The following FIP1L1 variants were observed in gnomAD, a reference collection of about 807,000 sequenced individuals.
FIP1L1 encodes pre-mRNA 3'-end-processing factor FIP1.
In FIP1L1, 21 loss-of-function variants were observed where a neutral mutation model predicts 84.6. The observed-to-expected ratio is 0.25, with a 90% CI of 0.18 to 0.36. The LOEUF is 0.36. FIP1L1 is among the 10% of genes least tolerant of loss of function. The pLI is 1.00. For synonymous variants in FIP1L1, 263 were observed against 242.3 expected, an observed-to-expected ratio of 1.09 and a Z score of -0.80; for missense variants, 526 against 751.1, an observed-to-expected ratio of 0.70 and a Z score of 3.50.
At chr4:53,401,474 G>C (rs1456470015) in intron 10 of FIP1L1, among the ~76,000 whole-genome samples, 1 of 152,194 alleles carries the variant, frequency 6.6e-6, no homozygotes. Flanking sequence ...AAAACAGGGA[G>C]GCCAGTTAGG....
intron 5 of FIP1L1, among the ~76,000 whole-genome samples, chr4:53,384,444 T>C (rs904047668): frequency 2.6e-5 from 4 of 152,310 alleles, no homozygotes; most frequent in South Asian, 4.1e-4. Flanking sequence ...ATAAATTCTT[T>C]GATTAGAATT....
rs768509066 is a variant in FIP1L1 at position 53,453,119 on chromosome 4, A to C, written c.1485A>C (p.Pro495=). 1.9e-6 allele frequency: 3 copies of C among 1,613,910 alleles called. No individual in the cohort carries two copies. Among genetic ancestry groups the C allele is most frequent in the African/African-American group, 2.7e-5 (2 of 74,906 alleles). ...RERERDHSPT[P]SVFNSDEERY... ...GGGAGCGTGATCACAGTCCTACACC[A>C]AGTGTTTTCAACAGGTTTGTTGGGT... Residue 495 remains proline, a synonymous_variant, in exon 16 of 18, where the codon CCA becomes CCC. Transcript: ENST00000337488.
At chr4:53,430,392 A>T (rs1171260608) in intron 13 of FIP1L1, among the ~76,000 whole-genome samples, 1 of 115,796 alleles carries the variant, frequency 8.6e-6, no homozygotes, top group Non-Finnish European at 1.6e-5. Flanking sequence ...TCTTTCGCCC[A>T]GGCTGGAGTG....
intron 9 of FIP1L1, among the ~76,000 whole-genome samples, chr4:53,392,713 A>C (rs1744914697): frequency 6.6e-6 from 1 of 151,692 alleles, no homozygotes. Flanking sequence ...AGTAGACTTA[A>C]AAAGAGAATA....
chr4:53,382,346 G>C lies in FIP1L1; in HGVS notation c.228+11G>C. 1 of 1,606,620 alleles carries C rather than the reference G, an allele frequency of 6.2e-7. No individual in the cohort carries two copies. Among genetic ancestry groups the C allele is most frequent in the African/African-American group, 1.3e-5 (1 of 74,782 alleles). The stretch of plus-strand genomic sequence containing the variant: ...GGTGTACCAAAACCGGTAACATAAG[G>C]CTTTGAAATCCAGTTACTGATACAA... On this transcript the variant is annotated intron_variant, in intron 4 of 17. Transcript: ENST00000337488.
chr4:53,389,680 A>C, intron 5 of FIP1L1, 129 bp from the exon 6 acceptor site: 2 of 686,716 alleles, frequency 2.9e-6, no homozygotes, highest in Non-Finnish European at 4.8e-6. Flanking sequence ...TAAAGATAGA[A>C]ATAAAATGTG....
chr4:53,455,737 G>A (rs1173000927), intron 16 of FIP1L1, among the ~76,000 whole-genome samples: 2 of 151,868 alleles, frequency 1.3e-5, no homozygotes, highest in Admixed American at 6.6e-5. Flanking sequence ...TGCATTTTCC[G>A]TGAACTTTTT....
chr4:53,379,692 A>G (rs917446096), intron 3 of FIP1L1, among the ~76,000 whole-genome samples: 8 of 152,166 alleles, frequency 5.3e-5, no homozygotes, highest in African/African-American at 1.9e-4. Flanking sequence ...TGTAATTTCA[A>G]TGCTATGTAT....
At chr4:53,455,804 CA>C (rs956613985) in intron 16 of FIP1L1, among the ~76,000 whole-genome samples, 13 of 150,240 alleles carry the variant, frequency 8.7e-5, no homozygotes, top group African/African-American at 1.2e-4. Flanking sequence ...AAAACTTTAC[CA>C]AAAAAAAATG....
At chr4:53,381,750 A>ATTTTTTTTTTTTTTTTTT (rs1233462083) in intron 3 of FIP1L1, among the ~76,000 whole-genome samples, 7 of 63,064 alleles carry the variant, frequency 1.1e-4, no homozygotes, top group Admixed American at 1.7e-4. Context: ...AGGCATTTGC[A>ATTTTTTTTTTTTTTTTTT]TTCTTTTTTT....
chr4:53,460,738 G>T lies in FIP1L1; in HGVS notation c.*1289G>T. The T allele has an allele frequency of 4.8e-6, 3 of 619,318 alleles. No homozygotes were observed. The highest frequency in any genetic ancestry group is 8.0e-6 in the Non-Finnish European group (3 of 376,690). 38.4% of individuals were successfully genotyped at this position (619,318 alleles called of 1,614,324 possible). On this transcript the variant is annotated 3_prime_UTR_variant, in exon 18 of 18. Coordinates refer to ENST00000337488, the MANE Select transcript of FIP1L1 (RefSeq NM_030917.4). Reference sequence around the variant, plus strand: ...AAAACTAGTAGTTTTAATTTTTTTGGAATCATATTTTCTGAGGTGTAACTG... The same window carrying T: ...AAAACTAGTAGTTTTAATTTTTTTGTAATCATATTTTCTGAGGTGTAACTG...
chr4:53,399,607 G>A, intron 9 of FIP1L1, 123 bp from the exon 10 acceptor site: 2 of 637,882 alleles, frequency 3.1e-6, no homozygotes, highest in Non-Finnish European at 5.4e-6. Context: ...TAAATATTCA[G>A]CAAAGGAACA....
At chr4:53,414,574 A>G (rs1315933151) in intron 10 of FIP1L1, 41 bp from the exon 11 acceptor site, 2 of 1,439,410 alleles carry the variant, frequency 1.4e-6, no homozygotes, top group Middle Eastern at 1.8e-4. Context: ...GGTCAGAGAC[A>G]ACAATATGTA....
intron 11 of FIP1L1, among the ~76,000 whole-genome samples, chr4:53,416,832 C>A (rs1467680596): frequency 1.3e-5 from 2 of 151,996 alleles, no homozygotes; most frequent in Non-Finnish European, 1.5e-5. Flanking sequence ...GGCATTGTCA[C>A]AGTCACCTGT....
In FIP1L1 at chr4:53,423,659, G is replaced by A. The variant is rs113612942; in HGVS notation, c.924-2213G>A. 3.4e-3 allele frequency among the ~76,000 whole-genome samples: 511 copies of A among 152,202 alleles called. 8 individuals are homozygous for A. The highest frequency in any genetic ancestry group is 0.012 in the African/African-American group (496 of 41,522). On this transcript the variant is annotated intron_variant, in intron 11 of 17. Coordinates refer to ENST00000337488, the MANE Select transcript of FIP1L1 (RefSeq NM_030917.4). Reference sequence around the variant, plus strand: ...TAATTTATATGATTAAAGTAAATCAGTTTATGTGGTTAAAAAATACGGGCA... The same window carrying A: ...TAATTTATATGATTAAAGTAAATCAATTTATGTGGTTAAAAAATACGGGCA...
At chr4:53,405,720 T>C (rs1233104370) in intron 10 of FIP1L1, among the ~76,000 whole-genome samples, 1 of 149,286 alleles carries the variant, frequency 6.7e-6, no homozygotes, top group Non-Finnish European at 1.5e-5. Context: ...AAGAGGTCCT[T>C]CACATCCCTT....
At chr4:53,385,442 A>T (rs1419631092) in intron 5 of FIP1L1, among the ~76,000 whole-genome samples, 2 of 152,198 alleles carry the variant, frequency 1.3e-5, no homozygotes, top group South Asian at 4.1e-4. Flanking sequence ...ATGTTTATAC[A>T]TATTTATTAC....
rs767764230 is a variant in FIP1L1 at position 53,459,315 on chromosome 4, C to T, written c.1651C>T (p.Arg551Cys). 26 of 1,500,910 alleles carry T rather than the reference C, an allele frequency of 1.7e-5. No homozygotes were observed. The highest frequency in any genetic ancestry group is 7.1e-5 in the South Asian group (6 of 84,960). The allele number at this position is 1,500,910 out of a possible 1,614,324, so 93.0% of individuals were successfully genotyped here. The stretch of plus-strand genomic sequence containing the variant: ...TTTTTTTTCCAGTAATAGTAGACGT[C>T]GCCATGAAAGTGAAGAAGGAGATAG... ...HKSSRSNSRR[R>C]HESEEGDSHR... Residue 551 changes from arginine to cysteine, a missense_variant, in exon 18 of 18, where the codon CGC (arginine) becomes TGC (cysteine). Around this residue, in one of 6 missense-constraint regions of FIP1L1, gnomAD observed 89 missense variants for 169.0 expected, o/e 0.53. Transcript: ENST00000337488.
rs1429239512 is a variant in FIP1L1, at chr4:53,459,811, T to C, written c.*362T>C. ...TTTTGTTAATCAAACACCACTCTCT[T>C]AAGAGGCTGCATCACAAAAGGCAAC... is the stretch of plus-strand genomic sequence containing the variant. On this transcript the variant is annotated 3_prime_UTR_variant, in exon 18 of 18. Transcript: ENST00000337488. 6.7e-6 allele frequency: 2 copies of C among 300,678 alleles called. No homozygotes were observed. Among genetic ancestry groups the C allele is most frequent in the Non-Finnish European group, 1.2e-5 (2 of 160,002 alleles). 18.6% of individuals were successfully genotyped at this position (300,678 alleles called of 1,614,324 possible). A position where few individuals can be genotyped will look rare whatever the true frequency, so the allele number is the denominator to read the frequency against.
Sources: gnomAD v4.1 joint callset for allele counts (sites outside exome capture counted in the v4.1 genomes callset) on GRCh38, gnomAD v4.1.1 for gene constraint, gnomAD v4.1.1 regional missense constraint, MANE v1.5 for transcripts, NCBI Gene and HGNC (gene_info 2026-07-23, HGNC 2026-07-21) for gene names.